NMRK1: variants seen among roughly 807,000 people sequenced by gnomAD.
NMRK1 encodes nicotinamide riboside kinase 1, also known as NRK 1.
Under a neutral mutation model 29.9 loss-of-function variants are expected in NMRK1, and 28 were observed. The observed-to-expected ratio is 0.94, with a 90% confidence interval of 0.69 to 1.28. The LOEUF (loss-of-function observed/expected upper bound fraction) is 1.28, where lower values mean the gene tolerates loss of function less well. Ranked by LOEUF, NMRK1 falls within the 50% of genes most tolerant of loss-of-function variation. The probability of loss-of-function intolerance (pLI) is 0.00; values close to 1 mark genes in which losing one functional copy is unlikely to be tolerated. For synonymous variants in NMRK1, 58 were observed against 73.0 expected (o/e 0.79, Z 1.05); for missense variants, 218 against 233.1 (o/e 0.94, Z 0.42).
At chr9:75,083,584 ACTG>A (rs1824447849) in intron 1 of NMRK1, among the ~76,000 whole-genome samples, 1 of 152,220 alleles carries the variant, frequency 6.6e-6, no homozygotes, top group South Asian at 2.1e-4. Flanking sequence ...GGAAAAAGTC[ACTG>A]CTGACCAGAG....
At chr9:75,081,791 T>C (rs1824336972) in intron 2 of NMRK1, among the ~76,000 whole-genome samples, 1 of 152,182 alleles carries the variant, frequency 6.6e-6, no homozygotes, top group African/African-American at 2.4e-5. Context: ...ACCAGGCTTA[T>C]CCAGCAAAGG....
chr9:75,062,702 C>G (rs1392222888), intron 8 of NMRK1, among the ~76,000 whole-genome samples: 1 of 152,160 alleles, frequency 6.6e-6, no homozygotes, highest in Non-Finnish European at 1.5e-5. Flanking sequence ...TTGGAGGGAA[C>G]ACAGGTAATT....
intron 3 of NMRK1, 26 bp from the exon 4 acceptor site, chr9:75,077,233 A>T: frequency 6.7e-7 from 1 of 1,493,284 alleles, no homozygotes; most frequent in Non-Finnish European, 9.3e-7. Flanking sequence ...AGTACCCATC[A>T]AAACAGTGTG....
intron 4 of NMRK1, among the ~76,000 whole-genome samples, chr9:75,071,950 A>G (rs1208899665): frequency 6.6e-6 from 1 of 151,704 alleles, no homozygotes; most frequent in African/African-American, 2.4e-5. Flanking sequence ...CACTGATCCA[A>G]CCCCCATGGG....
At chr9:75,064,284 G>A (rs1193080231) in intron 8 of NMRK1, among the ~76,000 whole-genome samples, 2 of 152,166 alleles carry the variant, frequency 1.3e-5, no homozygotes, top group East Asian at 1.9e-4. Flanking sequence ...CTGGACCCAA[G>A]CACTGGCCAT....
intron 7 of NMRK1, among the ~76,000 whole-genome samples, chr9:75,068,605 C>T (rs547253285): frequency 2.6e-5 from 4 of 152,328 alleles, no homozygotes; most frequent in East Asian, 1.9e-4. Flanking sequence ...TCCTGACTAC[C>T]GGGATCTCGG....
chr9:75,079,420 T>C (rs749794385), intron 2 of NMRK1, among the ~76,000 whole-genome samples: 2 of 152,192 alleles, frequency 1.3e-5, no homozygotes, highest in Non-Finnish European at 2.9e-5. Context: ...TATTACAATA[T>C]GAACAATCTG....
chr9:75,064,914 T>C (rs1369686232), intron 8 of NMRK1, among the ~76,000 whole-genome samples: 1 of 152,238 alleles, frequency 6.6e-6, no homozygotes, highest in Non-Finnish European at 1.5e-5. Context: ...TAACAACAGC[T>C]ACATCTACAG....
At chr9:75,074,480 G>A (rs1028703581) in intron 4 of NMRK1, among the ~76,000 whole-genome samples, 1 of 151,682 alleles carries the variant, frequency 6.6e-6, no homozygotes, top group Non-Finnish European at 1.5e-5. Flanking sequence ...TTTGCCTCCC[G>A]GGCTCAAGTG....
chr9:75,078,597 C>T (rs1485314330), intron 2 of NMRK1: 3 of 1,232,860 alleles, frequency 2.4e-6, no homozygotes, highest in Non-Finnish European at 3.0e-6. Context: ...GAACATAAGT[C>T]AGGGCATCTG....
At chr9:75,065,719 C>A (rs1215624372) in intron 8 of NMRK1, among the ~76,000 whole-genome samples, 1 of 152,134 alleles carries the variant, frequency 6.6e-6, no homozygotes, top group Non-Finnish European at 1.5e-5. Flanking sequence ...ATCTCCCTGG[C>A]CATAGTGATT....
intron 8 of NMRK1, among the ~76,000 whole-genome samples, chr9:75,064,377 A>G (rs1378400638): frequency 1.3e-5 from 2 of 152,160 alleles, no homozygotes; most frequent in African/African-American, 4.8e-5. Flanking sequence ...AGGGGAGCCA[A>G]TAACTCTCAG....
At chr9:75,080,453 A>G (rs1217341205) in intron 2 of NMRK1, among the ~76,000 whole-genome samples, 2 of 152,154 alleles carry the variant, frequency 1.3e-5, no homozygotes, top group Non-Finnish European at 2.9e-5. Flanking sequence ...GGAGTTCAAG[A>G]CCAGCCTGGT....
chr9:75,071,206 TTGAG>T (rs1276063922), intron 4 of NMRK1, among the ~76,000 whole-genome samples: 1 of 152,346 alleles, frequency 6.6e-6, no homozygotes, highest in East Asian at 1.9e-4. Flanking sequence ...GTTGTTCAGA[TTGAG>T]TAATTTGTAT....
At chr9:75,064,972 C>T (rs532436019) in intron 8 of NMRK1, among the ~76,000 whole-genome samples, 2 of 152,254 alleles carry the variant, frequency 1.3e-5, no homozygotes, top group South Asian at 2.1e-4. Flanking sequence ...CTGGTTTCTA[C>T]CTCCTGCCCT....
chr9:75,077,125 A>T, intron 4 of NMRK1, 34 bp downstream of exon 4: 1 of 1,276,794 alleles, frequency 7.8e-7, no homozygotes, highest in Non-Finnish European at 1.1e-6. Flanking sequence ...AAATGAACAT[A>T]AGCATATAAT....
Position 75,066,755 on chromosome 9 carries a change from AC to A in NMRK1, c.580+1del. 6.5e-7 allele frequency: 1 copy of A among 1,542,800 alleles called. No homozygotes were observed. Among genetic ancestry groups the A allele is most frequent in the Non-Finnish European group, 9.0e-7 (1 of 1,115,132 alleles). On this transcript the variant is annotated splice_donor_variant, in intron 8 of 8. Coordinates refer to ENST00000361092, the MANE Select transcript of NMRK1 (RefSeq NM_017881.3). LOFTEE classifies it high-confidence loss of function. ...CATCCACTTTGTTAGCACAATACTTACACTTTTGCTTTGCTAGTTCTTGTAT... is the reference window on the plus strand; with the variant it reads ...CATCCACTTTGTTAGCACAATACTTAACTTTTGCTTTGCTAGTTCTTGTAT...
chr9:75,061,445 G>T lies in NMRK1; in HGVS notation c.*103C>A. On this transcript the variant is annotated 3_prime_UTR_variant, in exon 9 of 9. Transcript: ENST00000361092. ...TAAAAATCAAACATATGAAACAATG[G>T]CTGTCATTGTACCACAGTATACATT... is the stretch of plus-strand genomic sequence containing the variant. 2.4e-6 allele frequency: 2 copies of T among 837,844 alleles called. No homozygotes were observed. The highest frequency in any genetic ancestry group is 1.5e-5 in the South Asian group (1 of 66,270). 51.9% of individuals were successfully genotyped at this position (837,844 alleles called of 1,614,324 possible).
chr9:75,069,687 T>C, intron 6 of NMRK1, 55 bp downstream of exon 6: 1 of 1,403,158 alleles, frequency 7.1e-7, no homozygotes, highest in Non-Finnish European at 1.0e-6. Flanking sequence ...TCCTCATTTT[T>C]CTTCTACATT....
Sources: gnomAD v4.1 joint callset for allele counts (sites outside exome capture counted in the v4.1 genomes callset) on GRCh38, gnomAD v4.1.1 for gene constraint, MANE v1.5 for transcripts, NCBI Gene and HGNC (gene_info 2026-07-23, HGNC 2026-07-21) for gene names.